The following RGS17 variants were observed in gnomAD, a reference collection of about 807,000 sequenced individuals.
The protein encoded by RGS17 is regulator of G protein signaling 17, also known as regulator of G-protein signaling 17.
Under a neutral mutation model 25.5 loss-of-function variants are expected in RGS17, and 12 were observed. The observed-to-expected ratio is 0.47, with a 90% CI of 0.30 to 0.76. The LOEUF is 0.76. Among genes scored for constraint, RGS17 ranks in the 30% least tolerant of loss-of-function variants. RGS17 has a pLI of 0.07. For missense variants in RGS17, 196 were observed against 242.2 expected, an observed-to-expected ratio of 0.81 and a Z score of 1.27; for synonymous variants, 71 against 76.9, an observed-to-expected ratio of 0.92 and a Z score of 0.40.
At chr6:153,100,501 C>G (rs1777284105) in intron 1 of RGS17, among the ~76,000 whole-genome samples, 1 of 151,078 alleles carries the variant, frequency 6.6e-6, no homozygotes, top group Admixed American at 6.6e-5. Context: ...CACTCTATAT[C>G]CTATATGTAT....
intron 1 of RGS17, among the ~76,000 whole-genome samples, chr6:153,114,400 A>G (rs1392218221): frequency 1.3e-5 from 2 of 152,218 alleles, no homozygotes; most frequent in Admixed American, 6.5e-5. Flanking sequence ...TCATCCCAGA[A>G]TAGACCAATA....
Position 153,123,229 on chromosome 6 carries a change from G to A in RGS17, c.-26+7895C>T, listed in dbSNP as rs1394994284. On this transcript the variant is annotated intron_variant, in intron 1 of 4. Coordinates refer to ENST00000206262, the MANE Select transcript of RGS17 (RefSeq NM_012419.5). ...GATCATACTAAACTCATAGGTCACA[G>A]GTAAATTACTGTATGGTAGTGCTGA... Among the ~76,000 whole-genome samples, 7 of 152,126 alleles carry A rather than the reference G, an allele frequency of 4.6e-5. No individual in the cohort carries two copies. The East Asian group carries it at 1.2e-3, about 25-fold the overall frequency.
rs1048685391 is a variant in RGS17, at chr6:153,044,083, A to C, written c.-25-40T>G. On this transcript the variant is annotated intron_variant, in intron 1 of 4. Coordinates refer to ENST00000206262, the MANE Select transcript of RGS17 (RefSeq NM_012419.5). ...ACAAAAAATTGGGTATGAAAAAAGCAATAAGGATAAGTTGCGTATGCTGAA... is the reference window on the plus strand; with the variant it reads ...ACAAAAAATTGGGTATGAAAAAAGCCATAAGGATAAGTTGCGTATGCTGAA... 10 of 970,488 alleles carry C rather than the reference A, an allele frequency of 1.0e-5. No homozygotes were observed. In the East Asian group the frequency reaches 2.5e-4, roughly 24 times the overall value. The allele number at this position is 970,488 out of a possible 1,614,324, so 60.1% of individuals were successfully genotyped here.
At chr6:153,127,390 G>A (rs1003795111) in intron 1 of RGS17, among the ~76,000 whole-genome samples, 1 of 152,120 alleles carries the variant, frequency 6.6e-6, no homozygotes, top group Non-Finnish European at 1.5e-5. Flanking sequence ...AGTTCTTTAG[G>A]TATTGAGATA....
chr6:153,105,857 T>C (rs1777372322), intron 1 of RGS17, among the ~76,000 whole-genome samples: 1 of 152,126 alleles, frequency 6.6e-6, no homozygotes, highest in African/African-American at 2.4e-5. Flanking sequence ...TAGATTTCAT[T>C]CTGTAGGTAA....
intron 1 of RGS17, among the ~76,000 whole-genome samples, chr6:153,101,628 C>G (rs763977819): frequency 1.3e-5 from 2 of 152,084 alleles, no homozygotes; most frequent in Non-Finnish European, 2.9e-5. Context: ...CTCTGCGTCC[C>G]CACCCAAGTC....
At chr6:153,119,895 A>C (rs191478016) in intron 1 of RGS17, among the ~76,000 whole-genome samples, 1 of 152,320 alleles carries the variant, frequency 6.6e-6, no homozygotes, top group African/African-American at 2.4e-5. Flanking sequence ...GGGACAATTT[A>C]GAATGTATAA....
intron 1 of RGS17, among the ~76,000 whole-genome samples, chr6:153,076,968 C>T (rs1776889066): frequency 6.7e-6 from 1 of 149,176 alleles, no homozygotes. Flanking sequence ...ATATTCTGCA[C>T]TAGTTATAAG....
chr6:153,109,282 C>T (rs35714751), intron 1 of RGS17, among the ~76,000 whole-genome samples: 5,100 of 152,244 alleles, frequency 0.033, 109 homozygotes, highest in Middle Eastern at 0.058. Context: ...TTAAAATCTA[C>T]CTTATTTCAC....
At chr6:153,026,848 TTAA>T (rs928118097) in intron 2 of RGS17, among the ~76,000 whole-genome samples, 1 of 152,086 alleles carries the variant, frequency 6.6e-6, no homozygotes, top group Non-Finnish European at 1.5e-5. Context: ...ATTAAATGCC[TTAA>T]TATTATATAT....
intron 1 of RGS17, among the ~76,000 whole-genome samples, chr6:153,097,849 TGGTACAG>T (rs1237060702): frequency 1.3e-5 from 2 of 151,656 alleles, no homozygotes; most frequent in African/African-American, 4.8e-5. Flanking sequence ...CAATAATGAG[TGGTACAG>T]GGTGATCTAA....
intron 1 of RGS17, among the ~76,000 whole-genome samples, chr6:153,086,085 A>G (rs1777049212): frequency 1.3e-5 from 2 of 152,212 alleles, no homozygotes; most frequent in South Asian, 2.1e-4. Context: ...TACTGCTAAA[A>G]TAATTGTTTT....
intron 1 of RGS17, among the ~76,000 whole-genome samples, chr6:153,044,599 TA>T (rs1184530510): frequency 6.6e-6 from 1 of 152,350 alleles, no homozygotes; most frequent in African/African-American, 2.4e-5. Flanking sequence ...CTAACCTTAA[TA>T]ACATTACCAA....
intron 1 of RGS17, among the ~76,000 whole-genome samples, chr6:153,126,038 A>G (rs186319473): frequency 2.0e-5 from 3 of 152,336 alleles, no homozygotes; most frequent in African/African-American, 7.2e-5. Flanking sequence ...CGTTAAGGTA[A>G]CACATTAAAT....
chr6:153,084,653 A>G (rs1347699936), intron 1 of RGS17, among the ~76,000 whole-genome samples: 3 of 152,200 alleles, frequency 2.0e-5, no homozygotes, highest in African/African-American at 7.2e-5. Flanking sequence ...GAAGACTGGA[A>G]TACAGTCTCA....
Position 153,050,194 on chromosome 6 carries a change from G to A in RGS17, c.-25-6151C>T, listed in dbSNP as rs991522050. On this transcript the variant is annotated intron_variant, in intron 1 of 4. Transcript: ENST00000206262. ...CAAATTCTAAAACTGTCATAAAAAC[G>A]TAGACTATAGCTTCAGAGCAGAAAA... Among the ~76,000 whole-genome samples, 6 of 152,092 alleles carry A rather than the reference G, an allele frequency of 3.9e-5. No individual in the cohort carries two copies. The East Asian group carries it at 7.7e-4, about 20-fold the overall frequency.
chr6:153,033,317 G>A (rs766075922), intron 2 of RGS17, among the ~76,000 whole-genome samples: 3 of 152,238 alleles, frequency 2.0e-5, no homozygotes, highest in East Asian at 1.9e-4. Context: ...TACACGGTAC[G>A]TTTATGTTCA....
intron 1 of RGS17, among the ~76,000 whole-genome samples, chr6:153,108,928 A>G (rs560790984): frequency 6.6e-6 from 1 of 152,032 alleles, no homozygotes; most frequent in African/African-American, 2.4e-5. Flanking sequence ...TAGCCATCTC[A>G]TGGGGGCAGG....
At chr6:153,117,981 A>G (rs1262925647) in intron 1 of RGS17, among the ~76,000 whole-genome samples, 1 of 152,352 alleles carries the variant, frequency 6.6e-6, no homozygotes, top group African/African-American at 2.4e-5. Flanking sequence ...AGAAGGGACC[A>G]CATTAGGAAG....
Sources: allele counts gnomAD v4.1 joint callset (sites outside exome capture counted in the v4.1 genomes callset), GRCh38; gene constraint gnomAD v4.1.1; transcripts MANE v1.5; gene names NCBI Gene and HGNC (gene_info 2026-07-23, HGNC 2026-07-21).